The following NAALADL2 variants were observed in gnomAD, a reference collection of about 807,000 sequenced individuals.
NAALADL2 encodes N-acetylated alpha-linked acidic dipeptidase like 2, also known as inactive N-acetylated-alpha-linked acidic dipeptidase-like protein 2.
In NAALADL2, 76 loss-of-function variants were observed where a neutral mutation model predicts 87.2. The observed-to-expected ratio is 0.87, with a 90% CI of 0.72 to 1.05. The LOEUF (loss-of-function observed/expected upper bound fraction) is 1.05. Ranked by LOEUF, NAALADL2 falls within the 50% of genes least tolerant of loss-of-function variation. The pLI is 0.00. For missense variants in NAALADL2, 1,089 were observed against 945.8 expected, an observed-to-expected ratio of 1.15 and a Z score of -1.99; for synonymous variants, 354 against 331.0, an observed-to-expected ratio of 1.07 and a Z score of -0.75.
At chr3:175,702,883 T>C (rs1448899648) in intron 11 of NAALADL2, among the ~76,000 whole-genome samples, 2 of 151,952 alleles carry the variant, frequency 1.3e-5, no homozygotes, top group African/African-American at 4.8e-5. Flanking sequence ...AGATCATATA[T>C]TTAAATCAGA....
chr3:174,873,017 C>T (rs1052639482), intron 1 of NAALADL2, among the ~76,000 whole-genome samples: 1 of 152,126 alleles, frequency 6.6e-6, no homozygotes, highest in Non-Finnish European at 1.5e-5. Flanking sequence ...ATAATTTTCA[C>T]CCATTTCTTC....
At chr3:174,686,037 T>C (rs1404133612) in intron 2 of NAALADL2, among the ~76,000 whole-genome samples, 2 of 152,146 alleles carry the variant, frequency 1.3e-5, no homozygotes, top group Non-Finnish European at 2.9e-5. Flanking sequence ...CCATGGAGTA[T>C]ATGTGCCATA....
At chr3:175,412,527 A>T (rs781135405) in intron 5 of NAALADL2, among the ~76,000 whole-genome samples, 1 of 152,160 alleles carries the variant, frequency 6.6e-6, no homozygotes, top group African/African-American at 2.4e-5. Context: ...TATCTCCTAG[A>T]TATTAGTTTT....
intron 1 of NAALADL2, among the ~76,000 whole-genome samples, chr3:174,444,036 C>T (rs1435710326): frequency 6.9e-6 from 1 of 144,516 alleles, no homozygotes; most frequent in African/African-American, 2.5e-5. Flanking sequence ...GGAAATGGAG[C>T]GTTAGTTGTA....
At chr3:174,712,819 A>G (rs1560165407) in intron 2 of NAALADL2, among the ~76,000 whole-genome samples, 1 of 152,018 alleles carries the variant, frequency 6.6e-6, no homozygotes, top group Non-Finnish European at 1.5e-5. Flanking sequence ...ATTTTTAATT[A>G]TACTTTAAGT....
intron 11 of NAALADL2, among the ~76,000 whole-genome samples, chr3:175,687,887 C>T (rs987914534): frequency 7.9e-5 from 12 of 151,934 alleles, no homozygotes; most frequent in Admixed American, 2.0e-4. Context: ...CTTCGCCTTC[C>T]GCCATGATTG....
intron 10 of NAALADL2, among the ~76,000 whole-genome samples, chr3:175,609,185 G>A (rs1466691804): frequency 6.6e-6 from 1 of 151,866 alleles, no homozygotes; most frequent in Non-Finnish European, 1.5e-5. Flanking sequence ...ACTGATTTTG[G>A]CCTCATCATC....
At chr3:175,233,841 A>G (rs5028203) in intron 2 of NAALADL2, 90 bp from the exon 3 acceptor site, 358,287 of 707,014 alleles carry the variant, frequency 0.51, 92,592 homozygotes, top group Non-Finnish European at 0.54. Context: ...CACAACATCT[A>G]TTAATATTGT....
At chr3:175,180,065 G>C (rs1029489387) in intron 2 of NAALADL2, among the ~76,000 whole-genome samples, 2 of 151,914 alleles carry the variant, frequency 1.3e-5, no homozygotes, top group Non-Finnish European at 2.9e-5. Flanking sequence ...TATAGGTGCT[G>C]ATGGGGAACT....
chr3:175,760,053 G>C (rs997488742), intron 13 of NAALADL2, among the ~76,000 whole-genome samples: 16 of 152,136 alleles, frequency 1.1e-4, no homozygotes, highest in African/African-American at 3.6e-4. Flanking sequence ...GGGGTGAAAA[G>C]AACATGATTT....
chr3:175,744,354 A>G (rs1300738961), intron 12 of NAALADL2, among the ~76,000 whole-genome samples: 1 of 152,180 alleles, frequency 6.6e-6, no homozygotes, highest in Non-Finnish European at 1.5e-5. Context: ...TCAGACTTCT[A>G]CCCAAGATGA....
chr3:174,942,662 G>C (rs1738798406), intron 1 of NAALADL2, among the ~76,000 whole-genome samples: 1 of 152,052 alleles, frequency 6.6e-6, no homozygotes, highest in South Asian at 2.1e-4. Context: ...CTCCTTTTCA[G>C]GGATGCCAGT....
intron 5 of NAALADL2, among the ~76,000 whole-genome samples, chr3:175,414,910 G>A (rs1160115209): frequency 6.6e-6 from 1 of 152,124 alleles, no homozygotes; most frequent in Non-Finnish European, 1.5e-5. Flanking sequence ...ATATTGATGA[G>A]TTCTCCTTCT....
intron 2 of NAALADL2, among the ~76,000 whole-genome samples, chr3:174,594,782 G>T (rs1036162610): frequency 3.3e-5 from 5 of 152,174 alleles, no homozygotes; most frequent in African/African-American, 1.2e-4. Context: ...AGATCCAGAT[G>T]ATTTCAATGA....
At chr3:175,672,136 A>G (rs1734092073) in intron 11 of NAALADL2, among the ~76,000 whole-genome samples, 1 of 152,064 alleles carries the variant, frequency 6.6e-6, no homozygotes. Flanking sequence ...TGAGGGAGGG[A>G]AATGTTGCTG....
Position 175,741,368 on chromosome 3 carries a change from G to A in NAALADL2, c.1990+3969G>A, listed in dbSNP as rs544433560. Among the ~76,000 whole-genome samples, 294 of 152,146 alleles carry A rather than the reference G, an allele frequency of 1.9e-3. 1 individual carries two copies. Among genetic ancestry groups the A allele is most frequent in the African/African-American group, 6.6e-3 (274 of 41,504 alleles). ...TAATTTTTTAGGGCTCTGGCCTCAC[G>A]AACTAATCAATTCTAAAAGATCCTA... On this transcript the variant is annotated intron_variant, in intron 12 of 13. Coordinates refer to ENST00000454872, the MANE Select transcript of NAALADL2 (RefSeq NM_207015.3).
intron 11 of NAALADL2, among the ~76,000 whole-genome samples, chr3:175,672,816 A>G (rs1166377099): frequency 6.6e-6 from 1 of 152,202 alleles, no homozygotes; most frequent in Non-Finnish European, 1.5e-5. Flanking sequence ...TAAATCTGAT[A>G]ATCTTGTAAA....
At chr3:175,242,465 T>C (rs1395500115) in intron 3 of NAALADL2, 2 of 152,182 alleles carry the variant, frequency 1.3e-5, no homozygotes, top group Non-Finnish European at 2.9e-5. Context: ...TTCCGCACTG[T>C]TTAAACACAT....
At chr3:175,572,914 A>C (rs1582455823) in intron 9 of NAALADL2, among the ~76,000 whole-genome samples, 1 of 144,326 alleles carries the variant, frequency 6.9e-6, no homozygotes. Context: ...AAAAAAAAAA[A>C]TTGCAAGGAT....
Sources: allele counts gnomAD v4.1 joint callset (sites outside exome capture counted in the v4.1 genomes callset), GRCh38; gene constraint gnomAD v4.1.1; transcripts MANE v1.5; gene names NCBI Gene and HGNC (gene_info 2026-07-23, HGNC 2026-07-21).